DQX1: variants seen among roughly 807,000 people sequenced by gnomAD.
DQX1 encodes ATP-dependent RNA helicase homolog DQX1.
In DQX1, 66 loss-of-function variants were observed where a neutral mutation model predicts 81.3. The observed-to-expected ratio is 0.81, with a 90% CI of 0.67 to 1.00. DQX1 has a LOEUF of 1.00. Among genes scored for constraint, DQX1 ranks in the 50% least tolerant of loss-of-function variants. The pLI is 0.00. For synonymous variants in DQX1, 290 were observed against 350.0 expected (o/e 0.83, Z 1.91); for missense variants, 798 against 867.9 (o/e 0.92, Z 1.01).
chr2:74,523,166 T>G lies in DQX1; in HGVS notation c.1097A>C (p.Lys366Thr), dbSNP rs1454237992. 6.2e-7 allele frequency: 1 copy of G among 1,614,192 alleles called. No individual in the cohort carries two copies. Among genetic ancestry groups the G allele is most frequent in the Admixed American group, 1.7e-5 (1 of 60,022 alleles). ...CAATCGTCTTGCCTCTGCCTGACAC[T>G]TGCTGATTGGCCTCAACACTTGGAA... ...AEFQVLRPISKCQAEARRLRA... is the reference protein window; with the variant it reads ...AEFQVLRPISTCQAEARRLRA... The change falls in exon 6 of 12, where the codon AAG (lysine) becomes ACG (threonine). Residue 366 changes from lysine (K) to threonine (T), a missense_variant. Lys to Thr is a moderately conservative substitution (Grantham distance 78, BLOSUM62 -1). Transcript: ENST00000404568.
intron 8 of DQX1, 115 bp from the exon 9 acceptor site, chr2:74,520,149 A>G (rs2104334985): frequency 7.4e-7 from 1 of 1,344,860 alleles, no homozygotes; most frequent in Middle Eastern, 2.6e-4. Context: ...TATTCAAAAG[A>G]CATAGATAAC....
chr2:74,523,401 C>T lies in DQX1; in HGVS notation c.953G>A (p.Arg318Gln), dbSNP rs749983331. 8.1e-6 allele frequency: 13 copies of T among 1,614,012 alleles called. No individual in the cohort carries two copies. The highest frequency in any genetic ancestry group is 2.7e-5 in the African/African-American group (2 of 74,910). Residue 318 changes from arginine to glutamine, a missense_variant, in exon 5 of 12, where the codon CGA (arginine) becomes CAA (glutamine). Coordinates refer to ENST00000404568, the MANE Select transcript of DQX1 (RefSeq NM_133637.3). ...CAGCCAGTGAGTGACCACAACCTTTCGGGCATCCATGTCCTCATACACAGC... is the reference window on the plus strand; with the variant it reads ...CAGCCAGTGAGTGACCACAACCTTTTGGGCATCCATGTCCTCATACACAGC... ...VQAVYEDMDA[R>Q]KVVVTHWLAD...
At position 74,518,385 on chromosome 2, in the gene DQX1, C is replaced by A; in HGVS notation, c.*61G>T. ...TAAATCTGTCTGGGTGCTTTGGTGTCACCCTGAGGGATAATCTAATGTGAT... is the reference window on the plus strand; with the variant it reads ...TAAATCTGTCTGGGTGCTTTGGTGTAACCCTGAGGGATAATCTAATGTGAT... On this transcript the variant is annotated 3_prime_UTR_variant, in exon 12 of 12. Coordinates refer to ENST00000404568, the MANE Select transcript of DQX1 (RefSeq NM_133637.3). The A allele has an allele frequency of 6.3e-7, 1 of 1,580,250 alleles. No individual in the cohort carries two copies. The highest frequency in any genetic ancestry group is 1.3e-5 in the African/African-American group (1 of 74,282).
chr2:74,523,438 G>A lies in DQX1; in HGVS notation c.916C>T (p.Arg306Ter), dbSNP rs573274390. The change falls in exon 5 of 12, where the codon CGA becomes TGA. Residue 306 changes from arginine to a stop codon, truncating the protein, a stop_gained. Transcript: ENST00000404568. LOFTEE classifies it high-confidence loss of function. ...TCCTCATACACAGCCTGAACGGCTCGTCCACAGTCTGGGTGAAGGGGCAGT... is the reference window on the plus strand; with the variant it reads ...TCCTCATACACAGCCTGAACGGCTCATCCACAGTCTGGGTGAAGGGGCAGT... Reference protein sequence around the residue: ...RVLPLHPDCGRAVQAVYEDMD... With the variant: ...RVLPLHPDCG The A allele has an allele frequency of 3.0e-5, 49 of 1,614,058 alleles. 1 individual carries two copies. In the Admixed American group the frequency reaches 5.3e-4, roughly 18 times the overall value.
At position 74,522,911 on chromosome 2, in the gene DQX1, T is replaced by C; in HGVS notation, c.1248A>G (p.Leu416=). 1 of 1,614,116 alleles carries C rather than the reference T, an allele frequency of 6.2e-7. No individual in the cohort carries two copies. Among genetic ancestry groups the C allele is most frequent in the South Asian group, 1.1e-5 (1 of 91,078 alleles). ...CEENLSSLVL[L]LKRRQIAEPG... ...GCTCTGCAATCTGTCTCCTTTTTAG[T>C]AGTAACACCAGGGAGCTCAGATTCT... The change falls in exon 7 of 12, where the codon CTA becomes CTG. Residue 416 remains leucine, a synonymous_variant. Coordinates refer to ENST00000404568, the MANE Select transcript of DQX1 (RefSeq NM_133637.3).
At chr2:74,523,567 G>C in intron 4 of DQX1, 30 bp from the exon 5 acceptor site, 3 of 1,579,794 alleles carry the variant, frequency 1.9e-6, no homozygotes, top group Admixed American at 1.7e-5. Flanking sequence ...GGGCATTAGG[G>C]CAGTTCTCAC....
Position 74,519,124 on chromosome 2 carries a change from C to CTGGCAGGAGCTCTGCGGCTTCGG in DQX1, c.1890_1912dup (p.Arg638ThrfsTer47). 6.2e-7 allele frequency: 1 copy of CTGGCAGGAGCTCTGCGGCTTCGG among 1,613,032 alleles called. No homozygotes were observed. On this transcript the variant is annotated frameshift_variant, in exon 11 of 12. Transcript: ENST00000404568. LOFTEE classifies it high-confidence loss of function. ...GTGGTAGAGCACCCATGGTGGGGGT[C>CTGGCAGGAGCTCTGCGGCTTCGG]TGGCAGGAGCTCTGCGGCTTCGGTA...
rs966561238 is a variant in DQX1, at chr2:74,518,207, G to A, written c.*239C>T. 20 of 457,980 alleles carry A rather than the reference G, an allele frequency of 4.4e-5. No homozygotes were observed. Among genetic ancestry groups the A allele is most frequent in the Non-Finnish European group, 2.7e-5 (7 of 261,608 alleles). The allele number at this position is 457,980 out of a possible 1,614,324, so 28.4% of individuals were successfully genotyped here. On this transcript the variant is annotated 3_prime_UTR_variant, in exon 12 of 12. Transcript: ENST00000404568. ...TTTGGCAAAGTTAAGAGAATGAGGA[G>A]CATGTCAGTCCCTCTCCAATCAATA...
At chr2:74,521,478 C>T (rs954049824) in intron 8 of DQX1, among the ~76,000 whole-genome samples, 2 of 151,866 alleles carry the variant, frequency 1.3e-5, no homozygotes, top group African/African-American at 4.8e-5. Context: ...GGCAAAAACC[C>T]GTCTCTACTA....
At chr2:74,523,035 G>A (rs1465734047) in intron 6 of DQX1, 21 bp from the exon 7 acceptor site, 1 of 1,613,894 alleles carries the variant, frequency 6.2e-7, no homozygotes, top group Non-Finnish European at 8.5e-7. Context: ...AAAGACCTGG[G>A]AAAGAAGACC....
rs1268615564 is a variant in DQX1, at chr2:74,525,533, AC to A, written c.196del (p.Val66CysfsTer56). On this transcript the variant is annotated frameshift_variant, in exon 2 of 12. Coordinates refer to ENST00000404568, the MANE Select transcript of DQX1 (RefSeq NM_133637.3). LOFTEE classifies it high-confidence loss of function. This position sits in a 1 kb window ranked among gnomAD's most constrained non-coding sequence, Gnocchi z 4.1. Reference sequence around the variant, plus strand: ...AGAACCAGGCTCCCCAGACACCAGCACCACTCCAGTGGGGTTACTCTCCAAC... The same window carrying A: ...AGAACCAGGCTCCCCAGACACCAGCACACTCCAGTGGGGTTACTCTCCAAC... ...EQLESNPTGV[V>X]LVSGEPGSGK... 1 of 1,552,204 alleles carries A rather than the reference AC, an allele frequency of 6.4e-7. No individual in the cohort carries two copies. The highest frequency in any genetic ancestry group is 1.2e-5 in the South Asian group (1 of 84,062).
chr2:74,519,807 C>G lies in DQX1; in HGVS notation c.1616-61G>C, dbSNP rs1034391645. The G allele has an allele frequency of 7.5e-6, 12 of 1,604,332 alleles. No individual in the cohort carries two copies. In the Admixed American group the frequency reaches 1.3e-4, roughly 18 times the overall value. On this transcript the variant is annotated intron_variant, in intron 9 of 11. Transcript: ENST00000404568. ...TTGAGACCCCTGAAATAACCCAACC[C>G]TTAGCCAAAGGGCCTCCTCTTTCTG...
At chr2:74,518,931 GT>G in intron 11 of DQX1, 108 bp downstream of exon 11, 1 of 1,178,262 alleles carries the variant, frequency 8.5e-7, no homozygotes, top group African/African-American at 1.5e-5. Flanking sequence ...CTCAGATCAT[GT>G]TTTTACTAAC....
At chr2:74,524,664 C>T (rs995096044) in intron 3 of DQX1, among the ~76,000 whole-genome samples, 5 of 151,948 alleles carry the variant, frequency 3.3e-5, no homozygotes, top group Admixed American at 6.5e-5. Flanking sequence ...TTTGGGAGAC[C>T]GAGGTGGGTG....
At chr2:74,522,808 C>G in intron 7 of DQX1, 37 bp from the exon 8 acceptor site, 1 of 1,612,848 alleles carries the variant, frequency 6.2e-7, no homozygotes, top group Non-Finnish European at 8.5e-7. Context: ...TATGAAGTTT[C>G]AGAACTGGGT....
intron 3 of DQX1, 55 bp downstream of exon 3, chr2:74,524,954 T>G (rs1675131508): frequency 6.4e-7 from 1 of 1,553,694 alleles, no homozygotes; most frequent in South Asian, 1.2e-5. Flanking sequence ...GGAATGGGTT[T>G]GTTTCTACTG....
intron 8 of DQX1, among the ~76,000 whole-genome samples, chr2:74,520,991 AAG>A (rs1329775161): frequency 6.6e-6 from 1 of 152,150 alleles, no homozygotes. Flanking sequence ...GTTTTTAAGT[AAG>A]AGAGTCCATG....
At position 74,525,649 on chromosome 2, in the gene DQX1, A is replaced by G. The variant is rs1018790326; in HGVS notation, c.81T>C (p.Asp27=). 7 of 1,551,776 alleles carry G rather than the reference A, an allele frequency of 4.5e-6. No individual in the cohort carries two copies. Among genetic ancestry groups the G allele is most frequent in the Non-Finnish European group, 6.1e-6 (7 of 1,147,014 alleles). Residue 27 remains aspartate (D), a synonymous_variant, in exon 2 of 12, where the codon GAT becomes GAC. Transcript: ENST00000404568. This position sits in a 1 kb window ranked among gnomAD's most constrained non-coding sequence, Gnocchi z 4.1. ...GESELAVNPF[D]GLPFSSRYYE... ...AGTAGCGGGAAGAGAAGGGAAGCCC[A>G]TCAAAGGGGTTCACAGCCAGTTCAG... is the stretch of plus-strand genomic sequence containing the variant.
intron 10 of DQX1, 51 bp from the exon 11 acceptor site, chr2:74,519,281 G>A: frequency 2.0e-6 from 3 of 1,511,646 alleles, no homozygotes; most frequent in Non-Finnish European, 2.7e-6. Context: ...GAAGAGGCAG[G>A]CAGTAGAAAA....
Sources: gnomAD v4.1 joint callset for allele counts (sites outside exome capture counted in the v4.1 genomes callset) on GRCh38, gnomAD v4.1.1 for gene constraint, Gnocchi (gnomAD v3.1) non-coding constraint, MANE v1.5 for transcripts, NCBI Gene and HGNC (gene_info 2026-07-23, HGNC 2026-07-21) for gene names.